Variants in C1orf141 observed in about 807,000 individuals in gnomAD.
C1orf141 encodes uncharacterized protein C1orf141.
A neutral mutation model predicts 23.2 loss-of-function variants in C1orf141; 19 were observed. That is an observed-to-expected ratio of 0.82 (90% CI 0.57 to 1.20). The LOEUF is 1.20. Ranked by LOEUF, C1orf141 falls within the 50% of genes most tolerant of loss-of-function variation. The pLI, the probability that C1orf141 is intolerant of heterozygous loss-of-function variation, is 0.00. For synonymous variants in C1orf141, 153 were observed against 154.6 expected, an observed-to-expected ratio of 0.99 and a Z score of 0.08; for missense variants, 469 against 455.1, an observed-to-expected ratio of 1.03 and a Z score of -0.28.
intron 5 of C1orf141, among the ~76,000 whole-genome samples, chr1:67,096,925 G>A (rs72933974): frequency 0.1 from 15,303 of 152,120 alleles, 1,226 homozygotes; most frequent in African/African-American, 0.22. Flanking sequence ...CTTGAGTCTG[G>A]GCAGGCTACC....
At chr1:67,126,148 A>G (rs975459034) in intron 3 of C1orf141, among the ~76,000 whole-genome samples, 21 of 152,082 alleles carry the variant, frequency 1.4e-4, no homozygotes, top group African/African-American at 5.1e-4. Context: ...ATGTGGGGGT[A>G]GGACTTGAGG....
chr1:67,095,981 G>T (rs1645670962), intron 6 of C1orf141: 3 of 242,454 alleles, frequency 1.2e-5, no homozygotes, highest in Admixed American at 5.6e-5. Context: ...ACTTTTTCAT[G>T]TCCATGTTGT....
At chr1:67,135,575 T>C (rs1322904078), upstream of C1orf141, among the ~76,000 whole-genome samples, 1 of 152,204 alleles carries the variant, frequency 6.6e-6, no homozygotes, top group Non-Finnish European at 1.5e-5. Context: ...CTGTATTTAC[T>C]GTATCCTAAG....
chr1:67,135,930 A>G (rs1646581848), upstream of C1orf141, among the ~76,000 whole-genome samples: 1 of 144,474 alleles, frequency 6.9e-6, no homozygotes, highest in African/African-American at 2.5e-5. Flanking sequence ...AAAAAAAAGT[A>G]TAGTTATGTA....
intron 5 of C1orf141, among the ~76,000 whole-genome samples, chr1:67,101,022 C>A (rs1645785523): frequency 6.6e-6 from 1 of 151,644 alleles, no homozygotes; most frequent in African/African-American, 2.4e-5. Flanking sequence ...TTTTTTATCT[C>A]TCTCTTTGGG....
upstream of C1orf141, among the ~76,000 whole-genome samples, chr1:67,136,915 C>T (rs542879574): frequency 4.6e-5 from 7 of 152,186 alleles, no homozygotes; most frequent in African/African-American, 1.7e-4. Context: ...TTTAATTGCT[C>T]TCAGTTAAAT....
chr1:67,124,598 C>A (rs545342866), intron 4 of C1orf141, among the ~76,000 whole-genome samples: 8 of 152,170 alleles, frequency 5.3e-5, no homozygotes, highest in Non-Finnish European at 1.2e-4. Flanking sequence ...GGATTACAGG[C>A]GTGAGCCACC....
At chr1:67,125,638 G>C in intron 4 of C1orf141, 114 bp downstream of exon 4, 2 of 999,548 alleles carry the variant, frequency 2.0e-6, no homozygotes, top group Middle Eastern at 3.0e-4. Context: ...AGTTGAGGCT[G>C]CAGTGAGCCA....
chr1:67,131,422 A>G (rs756293709), intron 1 of C1orf141, among the ~76,000 whole-genome samples, 195 bp from the exon 2 acceptor site: 25 of 152,048 alleles, frequency 1.6e-4, no homozygotes, highest in Non-Finnish European at 2.6e-4. Context: ...CTCAAAAACC[A>G]AAAACAAACA....
In C1orf141 at chr1:67,093,599, T is replaced by C; in HGVS notation, c.609A>G (p.Gln203=). 6.4e-7 allele frequency: 1 copy of C among 1,554,936 alleles called. No homozygotes were observed. Among genetic ancestry groups the C allele is most frequent in the Non-Finnish European group, 8.7e-7 (1 of 1,152,980 alleles). Residue 203 remains glutamine (Q), a synonymous_variant, in exon 8 of 8, where the codon CAA becomes CAG. Coordinates refer to ENST00000684719, the MANE Select transcript of C1orf141 (RefSeq NM_001276351.2). ...GGAAAATTATGGGATTTGTGTCCTT[T>C]TGTTCCTGTAGATTAAAGAAAAGAA... ...PTKTVTSHME[Q]KDTNPIIFHD...
Position 67,095,347 on chromosome 1 carries a change from T to C in C1orf141, c.491A>G (p.Tyr164Cys). ...CAAGCTTTTCTTTCTTACTGACCTA[T>C]ACTTACTTAATTGATAATTTCTGAC... ...KSVRNYQLSK[Y>C]RSVRKKSLLP... The change falls in exon 7 of 8, where the codon TAT becomes TGT. Residue 164 changes from tyrosine (Y) to cysteine (C), a missense_variant. Physicochemically the swap from Tyr to Cys is radical, Grantham distance 194. Transcript: ENST00000684719. 1.3e-6 allele frequency: 2 copies of C among 1,579,510 alleles called. No homozygotes were observed. The highest frequency in any genetic ancestry group is 1.7e-6 in the Non-Finnish European group (2 of 1,155,184).
rs1645600006 is a variant in C1orf141 at position 67,093,519 on chromosome 1, T to C, written c.689A>G (p.His230Arg). Residue 230 changes from histidine to arginine, a missense_variant, in exon 8 of 8, where the codon CAT becomes CGT. Physicochemically the swap from His to Arg is conservative, Grantham distance 29. Around this residue, in one of 3 missense-constraint regions of C1orf141, gnomAD observed 370 missense variants for 348.1 expected, o/e 1.06. Transcript: ENST00000684719. ...LLLTKNRFSS[H>R]PLENENIYPH... ...GTAAATGTTTTCATTTTCCAAAGGA[T>C]GAGAAGAAAATCTATTTTTTGTCAA... is the stretch of plus-strand genomic sequence containing the variant. 1.2e-6 allele frequency: 2 copies of C among 1,606,646 alleles called. No homozygotes were observed. Among genetic ancestry groups the C allele is most frequent in the African/African-American group, 1.3e-5 (1 of 74,658 alleles).
chr1:67,134,331 T>C (rs536745998), intron 1 of C1orf141, among the ~76,000 whole-genome samples: 2 of 152,116 alleles, frequency 1.3e-5, no homozygotes, highest in East Asian at 1.9e-4. Flanking sequence ...GAAAAACTAC[T>C]AAGGAATTTT....
chr1:67,115,135 A>G (rs987686078), intron 5 of C1orf141, among the ~76,000 whole-genome samples: 6 of 152,196 alleles, frequency 3.9e-5, no homozygotes, highest in Non-Finnish European at 7.4e-5. Flanking sequence ...AACACTATAA[A>G]CATAAAAATA....
At chr1:67,096,780 C>A (rs990400398) in intron 5 of C1orf141, among the ~76,000 whole-genome samples, 6 of 152,220 alleles carry the variant, frequency 3.9e-5, no homozygotes, top group African/African-American at 1.4e-4. Context: ...TCTAGATACA[C>A]ATGCTATTAG....
At chr1:67,115,573 G>GTT (rs779654108) in intron 4 of C1orf141, 109 bp from the exon 5 acceptor site, 4 of 529,460 alleles carry the variant, frequency 7.6e-6, no homozygotes, top group Non-Finnish European at 1.3e-5. Context: ...AGACTTGGAT[G>GTT]TTATGTTAAT....
At chr1:67,123,684 C>T (rs1646345806) in intron 4 of C1orf141, 1 of 152,288 alleles carries the variant, frequency 6.6e-6, no homozygotes, top group Non-Finnish European at 1.5e-5. Flanking sequence ...ATCCAAGTAT[C>T]AGTTATTCTA....
chr1:67,136,470 T>C (rs929401215), upstream of C1orf141, among the ~76,000 whole-genome samples: 3 of 152,224 alleles, frequency 2.0e-5, no homozygotes, highest in Non-Finnish European at 4.4e-5. Flanking sequence ...TACCTTCAGC[T>C]CAAAAATTTG....
chr1:67,105,908 G>T (rs775849656), intron 5 of C1orf141, among the ~76,000 whole-genome samples: 1 of 152,142 alleles, frequency 6.6e-6, no homozygotes, highest in Admixed American at 6.6e-5. Flanking sequence ...AAACAGAGCT[G>T]CTGGAAAGTG....
Sources: gnomAD v4.1 joint callset for allele counts (sites outside exome capture counted in the v4.1 genomes callset) on GRCh38, gnomAD v4.1.1 for gene constraint, gnomAD v4.1.1 regional missense constraint, MANE v1.5 for transcripts, NCBI Gene and HGNC (gene_info 2026-07-23, HGNC 2026-07-21) for gene names.